COL19A1: variants seen among roughly 807,000 people sequenced by gnomAD.
COL19A1 encodes the protein collagen type XIX alpha 1 chain.
In COL19A1, 159 loss-of-function variants were observed where a neutral mutation model predicts 190.2. The observed-to-expected ratio is 0.84, with a 90% CI of 0.73 to 0.95. The LOEUF (loss-of-function observed/expected upper bound fraction) is 0.95. Ranked by LOEUF, COL19A1 falls within the 40% of genes least tolerant of loss-of-function variation. COL19A1 has a pLI of 0.00. For synonymous variants in COL19A1, 509 were observed against 458.9 expected (o/e 1.11, Z -1.39); for missense variants, 1,418 against 1,431.9 (o/e 0.99, Z 0.16).
At chr6:70,197,512 T>C (rs1767283274) in intron 48 of COL19A1, among the ~76,000 whole-genome samples, 1 of 152,178 alleles carries the variant, frequency 6.6e-6, no homozygotes, top group Non-Finnish European at 1.5e-5. Context: ...ATTATTGAAT[T>C]TCATATTTAT....
chr6:70,203,422 C>T (rs757745269), intron 49 of COL19A1, among the ~76,000 whole-genome samples: 4 of 152,150 alleles, frequency 2.6e-5, no homozygotes, highest in Non-Finnish European at 4.4e-5. Flanking sequence ...TTTGACCTTT[C>T]AAATTTAGTA....
chr6:70,183,209 G>A (rs534966144), intron 44 of COL19A1, among the ~76,000 whole-genome samples: 1 of 152,274 alleles, frequency 6.6e-6, no homozygotes, highest in African/African-American at 2.4e-5. Flanking sequence ...TGGAACAAGC[G>A]AGCAAAGATA....
At chr6:70,155,102 A>C (rs1005101593) in intron 31 of COL19A1, among the ~76,000 whole-genome samples, 4 of 152,170 alleles carry the variant, frequency 2.6e-5, no homozygotes, top group Admixed American at 6.6e-5. Context: ...AGTATCGTGC[A>C]AAATTAGTGT....
At chr6:69,917,748 C>T (rs1771404356) in intron 4 of COL19A1, among the ~76,000 whole-genome samples, 1 of 151,946 alleles carries the variant, frequency 6.6e-6, no homozygotes, top group Non-Finnish European at 1.5e-5. Flanking sequence ...TTTTGGCTTC[C>T]CTGAGCCACT....
chr6:70,128,672 T>C (rs1562201011), intron 17 of COL19A1, among the ~76,000 whole-genome samples: 1 of 152,176 alleles, frequency 6.6e-6, no homozygotes, highest in Non-Finnish European at 1.5e-5. Context: ...GAAGACATTA[T>C]TCAAGGCTAT....
chr6:70,202,775 A>T (rs958048571), intron 49 of COL19A1, among the ~76,000 whole-genome samples: 4 of 152,224 alleles, frequency 2.6e-5, no homozygotes, highest in African/African-American at 9.6e-5. Flanking sequence ...ACCTTCTTAA[A>T]GTGAAAAGAA....
At chr6:69,918,905 C>T (rs1349220277) in intron 4 of COL19A1, among the ~76,000 whole-genome samples, 2 of 152,144 alleles carry the variant, frequency 1.3e-5, no homozygotes, top group African/African-American at 2.4e-5. Context: ...CAATATAAAA[C>T]GTTCAATTTC....
At chr6:70,133,468 C>A (rs535195066) in intron 18 of COL19A1, among the ~76,000 whole-genome samples, 4 of 152,200 alleles carry the variant, frequency 2.6e-5, no homozygotes, top group African/African-American at 9.6e-5. Context: ...TGGAAATGAA[C>A]GATCCCTGCT....
intron 15 of COL19A1, among the ~76,000 whole-genome samples, chr6:70,071,955 A>G (rs768624451): frequency 3.3e-5 from 5 of 152,096 alleles, no homozygotes; most frequent in African/African-American, 2.4e-5. Context: ...TCGGTTGAGT[A>G]GTGAGGAGGG....
rs148229359 is a variant in COL19A1, at chr6:70,038,560, T to G, written c.1170+2621T>G. On this transcript the variant is annotated intron_variant, in intron 14 of 50. Coordinates refer to ENST00000620364, the MANE Select transcript of COL19A1 (RefSeq NM_001858.6). ...AAATGAAGTTAAGATTGAACCCTGC[T>G]TCATTAAATGGAGAGAATTAGGGCT... is the stretch of plus-strand genomic sequence containing the variant. 2.9e-3 allele frequency among the ~76,000 whole-genome samples: 440 copies of G among 152,342 alleles called. 1 individual carries two copies. The highest frequency in any genetic ancestry group is 4.6e-3 in the Admixed American group (71 of 15,310).
chr6:70,187,284 C>A (rs1181747008), intron 46 of COL19A1, among the ~76,000 whole-genome samples: 6 of 152,144 alleles, frequency 3.9e-5, no homozygotes, highest in Admixed American at 1.3e-4. Context: ...TCCCTTCTCA[C>A]CATCCCGTGG....
At chr6:69,957,419 A>C (rs1485850538) in intron 9 of COL19A1, among the ~76,000 whole-genome samples, 1 of 152,164 alleles carries the variant, frequency 6.6e-6, no homozygotes, top group Non-Finnish European at 1.5e-5. Flanking sequence ...TTATAGTAAT[A>C]ACCCAGGCAA....
At chr6:69,910,911 G>A (rs1262749241) in intron 4 of COL19A1, among the ~76,000 whole-genome samples, 2 of 152,132 alleles carry the variant, frequency 1.3e-5, no homozygotes, top group African/African-American at 4.8e-5. Context: ...ATCCTTAGGT[G>A]GTTGCAAATG....
At chr6:70,010,795 C>T (rs1337326297) in intron 11 of COL19A1, among the ~76,000 whole-genome samples, 1 of 126,774 alleles carries the variant, frequency 7.9e-6, no homozygotes, top group African/African-American at 3.7e-5. Flanking sequence ...GGGCGCCCGC[C>T]ATTGCCCAGG....
chr6:70,035,940 G>A lies in COL19A1; in HGVS notation c.1170+1G>A, dbSNP rs1317552836. ...ACCCCCAGGACCACCAGCCTTACCT[G>A]TAAGTATTCTTGAAATCAAAATTCA... On this transcript the variant is annotated splice_donor_variant, in intron 14 of 50. Coordinates refer to ENST00000620364, the MANE Select transcript of COL19A1 (RefSeq NM_001858.6). LOFTEE classifies it high-confidence loss of function. 1 of 1,613,158 alleles carries A rather than the reference G, an allele frequency of 6.2e-7. No homozygotes were observed. Among genetic ancestry groups the A allele is most frequent in the African/African-American group, 1.3e-5 (1 of 74,988 alleles).
rs199652343 is a variant in COL19A1, at chr6:69,938,134, G to T, written c.936+34G>T. The T allele has an allele frequency of 3.6e-5, 58 of 1,592,908 alleles. 2 individuals are homozygous for T. Among genetic ancestry groups the T allele is most frequent in the East Asian group, 3.6e-4 (16 of 44,674 alleles). On this transcript the variant is annotated intron_variant, in intron 9 of 50. Coordinates refer to ENST00000620364, the MANE Select transcript of COL19A1 (RefSeq NM_001858.6). ...AAAACAAATACTGATGGAGAAAACA[G>T]GGTTTTGTTAAAAAATGACTTAAAA...
intron 18 of COL19A1, among the ~76,000 whole-genome samples, chr6:70,132,915 G>T (rs1367832134): frequency 1.3e-5 from 2 of 152,186 alleles, no homozygotes; most frequent in African/African-American, 4.8e-5. Context: ...TCTACACAAA[G>T]AGTTGATAGA....
chr6:70,026,995 C>T (rs1778762962), intron 12 of COL19A1, among the ~76,000 whole-genome samples: 1 of 152,112 alleles, frequency 6.6e-6, no homozygotes, highest in African/African-American at 2.4e-5. Context: ...TATGACAGTT[C>T]ACTCTGACTT....
At chr6:70,036,746 C>T (rs1289032566) in intron 14 of COL19A1, among the ~76,000 whole-genome samples, 1 of 151,938 alleles carries the variant, frequency 6.6e-6, no homozygotes, top group African/African-American at 2.4e-5. Context: ...ATAAATTAAG[C>T]ATTTAAATCA....
Sources: allele counts gnomAD v4.1 joint callset (sites outside exome capture counted in the v4.1 genomes callset), GRCh38; gene constraint gnomAD v4.1.1; transcripts MANE v1.5; gene names NCBI Gene and HGNC (gene_info 2026-07-23, HGNC 2026-07-21).